The following PGAP1 variants were observed in gnomAD, a reference collection of about 807,000 sequenced individuals.
PGAP1 encodes GPI inositol-deacylase.
Under a neutral mutation model 127.0 loss-of-function variants are expected in PGAP1, and 76 were observed. That is an observed-to-expected ratio of 0.60 (90% CI 0.50 to 0.72). PGAP1 has a LOEUF of 0.72. Among genes scored for constraint, PGAP1 ranks in the 30% least tolerant of loss-of-function variants. The pLI is 0.00. For missense variants in PGAP1, 982 were observed against 1,071.3 expected, an observed-to-expected ratio of 0.92 and a Z score of 1.16; for synonymous variants, 362 against 366.5, an observed-to-expected ratio of 0.99 and a Z score of 0.14.
In PGAP1 at chr2:196,838,979, G is replaced by A. The variant is rs534061616; in HGVS notation, c.*2255C>T. 2.0e-5 allele frequency: 3 copies of A among 152,486 alleles called. No individual in the cohort carries two copies. The highest frequency in any genetic ancestry group is 4.8e-5 in the African/African-American group (2 of 41,436). The allele number at this position is 152,486 out of a possible 1,614,324, so 9.4% of individuals were successfully genotyped here. On this transcript the variant is annotated 3_prime_UTR_variant, in exon 27 of 27. Coordinates refer to ENST00000354764, the MANE Select transcript of PGAP1 (RefSeq NM_024989.4). ...GCATCACTTGCACCTGGGAGGTGGAGGTTGCAGTGAGCTGAAATCGCGCCA... is the reference window on the plus strand; with the variant it reads ...GCATCACTTGCACCTGGGAGGTGGAAGTTGCAGTGAGCTGAAATCGCGCCA...
chr2:196,873,877 C>A (rs1190755174), intron 14 of PGAP1, 119 bp from the exon 15 acceptor site: 3 of 677,358 alleles, frequency 4.4e-6, no homozygotes, highest in Non-Finnish European at 7.6e-6. Flanking sequence ...CAGGTTTTCA[C>A]TTCTGTATGG....
intron 7 of PGAP1, 70 bp downstream of exon 7, chr2:196,897,061 A>T: frequency 1.2e-6 from 1 of 861,494 alleles, no homozygotes; most frequent in South Asian, 1.7e-5. Context: ...CATTAAATCC[A>T]TCATGGCTGT....
At chr2:196,893,034 A>C in intron 8 of PGAP1, 106 bp downstream of exon 8, 1 of 551,792 alleles carries the variant, frequency 1.8e-6, no homozygotes. Context: ...GGATCCTAAA[A>C]CTTGAAGTAT....
chr2:196,916,365 TAAAAAGG>T, intron 3 of PGAP1, 46 bp downstream of exon 3: 1 of 1,432,284 alleles, frequency 7.0e-7, no homozygotes, highest in Non-Finnish European at 9.3e-7. Context: ...ATCCCTTTTT[TAAAAAGG>T]TGCCGATAGG....
At chr2:196,875,293 T>C (rs1701529392) in intron 14 of PGAP1, among the ~76,000 whole-genome samples, 1 of 152,220 alleles carries the variant, frequency 6.6e-6, no homozygotes, top group Admixed American at 6.5e-5. Context: ...AAAAAAATTG[T>C]ATTGTGTTTA....
intron 18 of PGAP1, 43 bp downstream of exon 18, chr2:196,872,398 T>G: frequency 5.9e-6 from 8 of 1,361,428 alleles, no homozygotes; most frequent in Non-Finnish European, 8.3e-6. Context: ...TTCTAGCTTA[T>G]TCTACAACTA....
chr2:196,844,296 A>G (rs1429983505), intron 24 of PGAP1, among the ~76,000 whole-genome samples: 1 of 152,110 alleles, frequency 6.6e-6, no homozygotes, highest in East Asian at 1.9e-4. Context: ...CTAAGTAATT[A>G]TTCAAAATAA....
At position 196,872,961 on chromosome 2, in the gene PGAP1, G is replaced by T; in HGVS notation, c.1618C>A (p.Gln540Lys). Residue 540 changes from glutamine to lysine, a missense_variant and splice_region_variant, in exon 17 of 27, where the codon CAG becomes AAG. Physicochemically the swap from Gln to Lys is moderately conservative, Grantham distance 53 (BLOSUM62 1). Coordinates refer to ENST00000354764, the MANE Select transcript of PGAP1 (RefSeq NM_024989.4). ...WSYEDSLTIA[Q>K]APSSTEISLK... ...AAGTAAATTCTTTCAAATACTTACT[G>T]TGCAATGGTTAGTGAATCTTCATAA... The T allele has an allele frequency of 2.0e-6, 2 of 993,480 alleles. No homozygotes were observed. Among genetic ancestry groups the T allele is most frequent in the Non-Finnish European group, 3.1e-6 (2 of 652,074 alleles). 61.5% of individuals were successfully genotyped at this position (993,480 alleles called of 1,614,324 possible).
chr2:196,900,033 C>G (rs929427367), intron 5 of PGAP1, among the ~76,000 whole-genome samples: 2 of 152,292 alleles, frequency 1.3e-5, no homozygotes, highest in East Asian at 3.9e-4. Context: ...AGCGAAACTC[C>G]GTCTCAAAAC....
chr2:196,881,972 T>G (rs1701747788), intron 12 of PGAP1, among the ~76,000 whole-genome samples: 2 of 152,212 alleles, frequency 1.3e-5, no homozygotes, highest in South Asian at 4.1e-4. Context: ...TCCACATTTT[T>G]TATAGTTTTG....
chr2:196,882,695 T>C (rs537749037), intron 12 of PGAP1, among the ~76,000 whole-genome samples: 15 of 152,346 alleles, frequency 9.8e-5, no homozygotes, highest in South Asian at 2.1e-4. Context: ...TTTTTGCACA[T>C]TGATTTTGTA....
At chr2:196,921,202 AC>A (rs1229251155) in intron 1 of PGAP1, among the ~76,000 whole-genome samples, 7 of 143,524 alleles carry the variant, frequency 4.9e-5, no homozygotes, top group Admixed American at 4.2e-4. Context: ...AAAAAAAAAA[AC>A]ACACACACAC....
intron 4 of PGAP1, 54 bp from the exon 5 acceptor site, chr2:196,902,796 A>G (rs1702541421): frequency 1.5e-6 from 2 of 1,347,858 alleles, no homozygotes; most frequent in Non-Finnish European, 2.1e-6. Context: ...CCCTGAAACA[A>G]TAAGATATCT....
At chr2:196,893,274 C>T (rs779862014) in intron 7 of PGAP1, 29 bp from the exon 8 acceptor site, 1 of 1,197,300 alleles carries the variant, frequency 8.4e-7, no homozygotes. Context: ...CATTCTGTAT[C>T]ATTTTGTATC....
chr2:196,918,765 G>T (rs2125839266), intron 2 of PGAP1, among the ~76,000 whole-genome samples: 1 of 152,242 alleles, frequency 6.6e-6, no homozygotes, highest in South Asian at 2.1e-4. Context: ...CAGGTTACTG[G>T]TAATCTACTT....
chr2:196,858,298 A>C (rs2125787613), intron 20 of PGAP1, among the ~76,000 whole-genome samples: 1 of 152,088 alleles, frequency 6.6e-6, no homozygotes, highest in South Asian at 2.1e-4. Context: ...GTTACTCAGG[A>C]GACTGAGGCA....
intron 1 of PGAP1, 149 bp from the exon 2 acceptor site, chr2:196,920,299 T>C: frequency 1.5e-6 from 1 of 658,694 alleles, no homozygotes; most frequent in Non-Finnish European, 2.5e-6. Context: ...ACAAAACAAG[T>C]TCTACTTGTA....
At chr2:196,893,521 G>A (rs1194257588) in intron 7 of PGAP1, among the ~76,000 whole-genome samples, 2 of 152,174 alleles carry the variant, frequency 1.3e-5, no homozygotes, top group East Asian at 1.9e-4. Context: ...TCACACCCAG[G>A]CATTCTGGCT....
At chr2:196,850,111 T>C (rs978926900) in intron 20 of PGAP1, among the ~76,000 whole-genome samples, 3 of 152,222 alleles carry the variant, frequency 2.0e-5, no homozygotes, top group Non-Finnish European at 1.5e-5. Flanking sequence ...GTAGTGTTCC[T>C]GCACCCAAGG....
Sources: gnomAD v4.1 joint callset for allele counts (sites outside exome capture counted in the v4.1 genomes callset) on GRCh38, gnomAD v4.1.1 for gene constraint, MANE v1.5 for transcripts, NCBI Gene and HGNC (gene_info 2026-07-23, HGNC 2026-07-21) for gene names.